The following AK9 variants were observed in gnomAD, a reference collection of about 807,000 sequenced individuals.
AK9 encodes the protein adenylate kinase domain containing 1.
AK9 carries 191 observed loss-of-function variants against 239.6 expected under a neutral mutation model. The observed-to-expected ratio is 0.80, with a 90% CI of 0.71 to 0.90. The LOEUF is 0.90. Ranked by LOEUF, AK9 falls within the 40% of genes least tolerant of loss-of-function variation. AK9 has a pLI of 0.00. For synonymous variants in AK9, 689 were observed against 721.0 expected (o/e 0.96, Z 0.71); for missense variants, 1,995 against 2,214.7 (o/e 0.90, Z 1.99).
chr6:109,545,738 G>T, intron 26 of AK9, 129 bp downstream of exon 26: 1 of 1,179,640 alleles, frequency 8.5e-7, no homozygotes, highest in Non-Finnish European at 1.2e-6. Context: ...GGGAAGTTGA[G>T]GCTTTGGTGA....
rs139380472 is a variant in AK9, at chr6:109,660,939, G to A, written c.445-1526C>T. On this transcript the variant is annotated intron_variant, in intron 6 of 40. Transcript: ENST00000424296. ...CTAGCCTTTAACCAGGTTTTTGGTAGCACAGAATCCTTTAGAACATGATGA... is the reference window on the plus strand; with the variant it reads ...CTAGCCTTTAACCAGGTTTTTGGTAACACAGAATCCTTTAGAACATGATGA... 238 of 506,588 alleles carry A rather than the reference G, an allele frequency of 4.7e-4. 1 individual carries two copies. The highest frequency in any genetic ancestry group is 1.1e-4 in the Non-Finnish European group (28 of 254,704). The allele number at this position is 506,588 out of a possible 1,614,324, so 31.4% of individuals were successfully genotyped here.
At chr6:109,670,308 A>C (rs1359203761) in intron 5 of AK9, among the ~76,000 whole-genome samples, 3 of 152,222 alleles carry the variant, frequency 2.0e-5, no homozygotes, top group Non-Finnish European at 4.4e-5. Context: ...GTAATGTGTA[A>C]TAGGTTTAAG....
intron 36 of AK9, 27 bp from the exon 37 acceptor site, chr6:109,497,992 C>T (rs759648822): frequency 5.0e-6 from 8 of 1,610,440 alleles, no homozygotes; most frequent in Non-Finnish European, 6.8e-6. Context: ...CCAGTAGCAA[C>T]ATGATTTAAA....
At position 109,632,981 on chromosome 6, in the gene AK9, G is replaced by A; in HGVS notation, c.1196C>T (p.Pro399Leu). Residue 399 changes from proline (P) to leucine (L), a missense_variant, in exon 12 of 41, where the codon CCT becomes CTT. By Grantham distance (98) the Pro-to-Leu change is moderately conservative. Transcript: ENST00000424296. Reference protein sequence around the residue: ...GPPCKVFILGPQYSGKTTLCN... With the variant: ...GPPCKVFILGLQYSGKTTLCN... ...AAGTGTTGTTTTCCCTGAATATTGA[G>A]GTCCAAGTATGAATACTTTACATGG... 6.2e-7 allele frequency: 1 copy of A among 1,612,596 alleles called. No individual in the cohort carries two copies. Among genetic ancestry groups the A allele is most frequent in the African/African-American group, 1.3e-5 (1 of 74,946 alleles).
chr6:109,533,530 T>G (rs1781552864), intron 27 of AK9, 60 bp from the exon 28 acceptor site: 1 of 1,346,628 alleles, frequency 7.4e-7, no homozygotes. Flanking sequence ...GATGTGTTCA[T>G]TAATTTGACT....
At chr6:109,598,806 G>A (rs1209366701) in intron 17 of AK9, among the ~76,000 whole-genome samples, 1 of 152,152 alleles carries the variant, frequency 6.6e-6, no homozygotes. Context: ...GTTTTGATTT[G>A]CATTTCTCTG....
intron 16 of AK9, among the ~76,000 whole-genome samples, chr6:109,611,553 G>T (rs1340812938): frequency 6.6e-6 from 1 of 150,946 alleles, no homozygotes; most frequent in Non-Finnish European, 1.5e-5. Context: ...AGCAGAGTTT[G>T]TGTGTGTGTG....
At chr6:109,502,957 A>ATGTGTGTGTGTGTGTGTGTGTG (rs58542655) in intron 35 of AK9, among the ~76,000 whole-genome samples, 2 of 145,400 alleles carry the variant, frequency 1.4e-5, no homozygotes, top group African/African-American at 5.1e-5. Flanking sequence ...CAGGAACGGT[A>ATGTGTGTGTGTGTGTGTGTGTG]TGTGTGTGTG....
In AK9 at chr6:109,658,929, G is replaced by A. The variant is rs2128314566; in HGVS notation, c.630+299C>T. On this transcript the variant is annotated intron_variant, in intron 7 of 40. Transcript: ENST00000424296. ...AACTTCTTATTCTACCTTGCCTAGTGCTTGACACACAGTAGGTGACCAATA... is the reference window on the plus strand; with the variant it reads ...AACTTCTTATTCTACCTTGCCTAGTACTTGACACACAGTAGGTGACCAATA... 2.0e-5 allele frequency among the ~76,000 whole-genome samples: 3 copies of A among 152,158 alleles called. No individual in the cohort carries two copies. In the South Asian group the frequency reaches 6.2e-4, roughly 32 times the overall value.
chr6:109,683,959 G>A (rs1475392359), intron 1 of AK9, among the ~76,000 whole-genome samples: 3 of 152,270 alleles, frequency 2.0e-5, no homozygotes. Context: ...TAAGCAATAA[G>A]AACAAAGCTG....
rs1354729592 is a variant in AK9, at chr6:109,644,654, A to G, written c.794T>C (p.Ile265Thr). 3.1e-6 allele frequency: 5 copies of G among 1,612,972 alleles called. No homozygotes were observed. In the African/African-American group the frequency reaches 4.0e-5, roughly 13 times the overall value. Residue 265 changes from isoleucine (I) to threonine (T), a missense_variant, in exon 9 of 41, where the codon ATT becomes ACT. Transcript: ENST00000424296. ...VMAEHNPQYL[I>T]ELNGNKPAEE... ...TGCTGGTTTATTTCCATTTAGCTCA[A>G]TGAGATACTGGGGATTGTGTTCAGC...
Position 109,497,877 on chromosome 6 carries a change from A to G in AK9, c.5135T>C (p.Leu1712Pro). The G allele has an allele frequency of 1.2e-6, 2 of 1,614,038 alleles. No individual in the cohort carries two copies. Among genetic ancestry groups the G allele is most frequent in the Non-Finnish European group, 8.5e-7 (1 of 1,179,938 alleles). ...AGGGAATCGACTCTTCAGCTCTGAC[A>G]GTGTCAGTCTTTTGGGGATCATGTC... ...SADMIPKRLT[L>P]SELKSRFPKC... The change falls in exon 37 of 41, where the codon CTG (leucine) becomes CCG (proline). Residue 1712 changes from leucine to proline, a missense_variant. Leu to Pro is a moderately conservative substitution (Grantham distance 98, BLOSUM62 -3). Around this residue, in one of 5 missense-constraint regions of AK9, gnomAD observed 391 missense variants for 456.0 expected, o/e 0.86. Coordinates refer to ENST00000424296, the MANE Select transcript of AK9 (RefSeq NM_001145128.3).
chr6:109,497,640 T>C (rs1777214690), intron 37 of AK9, 77 bp from the exon 38 acceptor site: 8 of 1,345,776 alleles, frequency 5.9e-6, no homozygotes, highest in Non-Finnish European at 7.2e-6. Flanking sequence ...AAGTCAAAAG[T>C]ATTTTATTTT....
Position 109,612,040 on chromosome 6 carries a change from T to C in AK9, c.1663A>G (p.Ser555Gly). 6.5e-7 allele frequency: 1 copy of C among 1,538,398 alleles called. No individual in the cohort carries two copies. The highest frequency in any genetic ancestry group is 1.4e-5 in the African/African-American group (1 of 72,604). The change falls in exon 16 of 41, where the codon AGT becomes GGT. Residue 555 changes from serine to glycine, a missense_variant. Transcript: ENST00000424296. ...FTFKRHSQDASQDVKLYSDTA... is the reference protein window; with the variant it reads ...FTFKRHSQDAGQDVKLYSDTA... ...TCTGAATACAACTTTACATCTTGAC[T>C]AGCATCTTGAGAATGCCTTTTAAAT... is the stretch of plus-strand genomic sequence containing the variant.
chr6:109,608,657 G>A (rs867281631), intron 17 of AK9, among the ~76,000 whole-genome samples: 6 of 152,170 alleles, frequency 3.9e-5, no homozygotes, highest in African/African-American at 1.2e-4. Context: ...TCCTGATTTT[G>A]GGTAGGCAAA....
chr6:109,494,171 G>C, intron 39 of AK9, 76 bp from the exon 40 acceptor site: 1 of 1,011,880 alleles, frequency 9.9e-7, no homozygotes, highest in Non-Finnish European at 1.5e-6. Context: ...AGATAAACAG[G>C]CAAATATTAT....
intron 24 of AK9, among the ~76,000 whole-genome samples, chr6:109,562,920 A>T (rs1359079423): frequency 6.6e-6 from 1 of 152,216 alleles, no homozygotes; most frequent in Non-Finnish European, 1.5e-5. Context: ...AAAGAAAAGA[A>T]TCTGAATCTG....
chr6:109,649,221 A>G (rs1168443327), intron 8 of AK9, among the ~76,000 whole-genome samples: 4 of 152,050 alleles, frequency 2.6e-5, no homozygotes, highest in Non-Finnish European at 4.4e-5. Flanking sequence ...TATTCAACAT[A>G]GTGTTGGAAG....
At chr6:109,663,968 T>C (rs1257419389) in intron 5 of AK9, among the ~76,000 whole-genome samples, 1 of 152,208 alleles carries the variant, frequency 6.6e-6, no homozygotes, top group African/African-American at 2.4e-5. Context: ...AGCAATATAT[T>C]GCAACAGATT....
Sources: gnomAD v4.1 joint callset for allele counts (sites outside exome capture counted in the v4.1 genomes callset) on GRCh38, gnomAD v4.1.1 for gene constraint, gnomAD v4.1.1 regional missense constraint, MANE v1.5 for transcripts, NCBI Gene and HGNC (gene_info 2026-07-23, HGNC 2026-07-21) for gene names.